PTPRD: variants seen among roughly 807,000 people sequenced by gnomAD.
PTPRD encodes receptor-type tyrosine-protein phosphatase delta.
In PTPRD, 34 loss-of-function variants were observed where a neutral mutation model predicts 214.5. The observed-to-expected ratio is 0.16, with a 90% CI of 0.12 to 0.21. The LOEUF (loss-of-function observed/expected upper bound fraction) is 0.21. PTPRD is among the 10% of genes least tolerant of loss of function. The probability of loss-of-function intolerance (pLI) is 1.00; values close to 1 mark genes in which losing one functional copy is unlikely to be tolerated. For missense variants in PTPRD, 2,545 were observed against 2,398.7 expected (o/e 1.06, Z -1.27); for synonymous variants, 1,128 against 845.7 (o/e 1.33, Z -5.79).
At chr9:9,909,543 T>A (rs551897387) in intron 5 of PTPRD, among the ~76,000 whole-genome samples, 1 of 151,982 alleles carries the variant, frequency 6.6e-6, no homozygotes, top group Non-Finnish European at 1.5e-5. Flanking sequence ...TATATTTATA[T>A]GAATTTATTA....
chr9:8,577,342 G>A (rs1264431101), intron 14 of PTPRD, among the ~76,000 whole-genome samples: 7 of 152,172 alleles, frequency 4.6e-5, no homozygotes, highest in South Asian at 2.1e-4. Flanking sequence ...TGCAACCTCC[G>A]CCTCCTGGGT....
At chr9:10,611,637 A>T (rs1249831358) in intron 2 of PTPRD, among the ~76,000 whole-genome samples, 1 of 152,134 alleles carries the variant, frequency 6.6e-6, no homozygotes, top group African/African-American at 2.4e-5. Flanking sequence ...TGATGCAGAG[A>T]TATTCAGCCT....
intron 30 of PTPRD, among the ~76,000 whole-genome samples, chr9:8,477,598 T>C (rs547001990): frequency 1.1e-3 from 160 of 152,314 alleles, no homozygotes; most frequent in South Asian, 6.2e-3. Context: ...TAATGATGAA[T>C]GTCATTCCTT....
chr9:9,613,131 C>CATATATATATATATAT lies in PTPRD; in HGVS notation c.-286-38351_-286-38350insATATATATATATATAT, dbSNP rs1383091159. Among the ~76,000 whole-genome samples, 50 of 40,844 alleles carry CATATATATATATATAT rather than the reference C, an allele frequency of 1.2e-3. 3 individuals carry two copies. The highest frequency in any genetic ancestry group is 1.7e-3 in the Non-Finnish European group (37 of 21,292). The allele number at this position is 40,844 out of a possible 152,430, so 26.8% of individuals were successfully genotyped here. Reference sequence around the variant, plus strand: ...TAATAGCTAGGCTGCAGTATACATACATACATATATATATATATATATATA... The same window carrying CATATATATATATATAT: ...TAATAGCTAGGCTGCAGTATACATACATATATATATATATATATACATATATATATATATATATATA... On this transcript the variant is annotated intron_variant, in intron 7 of 45. Transcript: ENST00000381196.
chr9:8,822,767 A>T lies in PTPRD; in HGVS notation c.-103-88821T>A, dbSNP rs148210279. On this transcript the variant is annotated intron_variant, in intron 11 of 45. Coordinates refer to ENST00000381196, the MANE Select transcript of PTPRD (RefSeq NM_002839.4). The stretch of plus-strand genomic sequence containing the variant: ...CAATTTGCCCAAGGTCCCGCAGCTG[A>T]CAATGGAACAGAACTGGAATCCAAT... Among the ~76,000 whole-genome samples, 832 of 152,268 alleles carry T rather than the reference A, an allele frequency of 5.5e-3. 8 individuals carry two copies. Among genetic ancestry groups the T allele is most frequent in the African/African-American group, 0.019 (796 of 41,552 alleles).
chr9:10,511,976 G>GTGTA (rs1555454354), intron 2 of PTPRD, among the ~76,000 whole-genome samples: 5 of 52,174 alleles, frequency 9.6e-5, no homozygotes, highest in Non-Finnish European at 1.6e-4. Context: ...ACGTGTGTGT[G>GTGTA]TATATATATA....
intron 9 of PTPRD, among the ~76,000 whole-genome samples, chr9:9,265,444 G>C (rs557325383): frequency 6.6e-6 from 1 of 151,312 alleles, no homozygotes; most frequent in South Asian, 2.1e-4. Context: ...TTTTTTTGTA[G>C]ATATGGGTCT....
chr9:9,632,781 T>C (rs767629072), intron 7 of PTPRD, among the ~76,000 whole-genome samples: 8 of 152,002 alleles, frequency 5.3e-5, no homozygotes, highest in African/African-American at 1.2e-4. Context: ...GGTATAAATA[T>C]AGATAAAGAT....
At chr9:8,362,530 C>G (rs2133950475) in intron 39 of PTPRD, among the ~76,000 whole-genome samples, 1 of 152,286 alleles carries the variant, frequency 6.6e-6, no homozygotes, top group South Asian at 2.1e-4. Flanking sequence ...GAGAAAGCCT[C>G]TGCCCAATTG....
chr9:10,459,357 A>G (rs1282234137), intron 2 of PTPRD, among the ~76,000 whole-genome samples: 1 of 152,146 alleles, frequency 6.6e-6, no homozygotes, highest in Non-Finnish European at 1.5e-5. Context: ...GCCGCAATAG[A>G]CATATATGTG....
At chr9:8,458,347 T>C (rs1369056267) in intron 33 of PTPRD, among the ~76,000 whole-genome samples, 1 of 152,154 alleles carries the variant, frequency 6.6e-6, no homozygotes, top group Non-Finnish European at 1.5e-5. Flanking sequence ...GATTCACAAA[T>C]ACCATATACA....
intron 7 of PTPRD, among the ~76,000 whole-genome samples, chr9:9,658,775 T>C (rs140106269): frequency 0.01 from 1,576 of 152,270 alleles, 28 homozygotes; most frequent in African/African-American, 0.036. Flanking sequence ...ATTGAGATCT[T>C]ATTCCGTGTT....
chr9:10,009,890 C>T (rs2096561589), intron 4 of PTPRD, among the ~76,000 whole-genome samples: 1 of 151,786 alleles, frequency 6.6e-6, no homozygotes, highest in South Asian at 2.1e-4. Context: ...GTCTTAAGAC[C>T]TCTGTTTTAA....
At chr9:8,746,351 A>G (rs988267838) in intron 11 of PTPRD, among the ~76,000 whole-genome samples, 2 of 152,234 alleles carry the variant, frequency 1.3e-5, no homozygotes, top group African/African-American at 2.4e-5. Flanking sequence ...ATAATAAAGT[A>G]CGAAAATTTC....
In PTPRD at chr9:9,784,645, T is replaced by G. The variant is rs2098902992; in HGVS notation, c.-367-17794A>C. Among the ~76,000 whole-genome samples the G allele has an allele frequency of 2.0e-5, 3 of 152,086 alleles. No individual in the cohort carries two copies. The South Asian group carries it at 6.2e-4, about 32-fold the overall frequency. On this transcript the variant is annotated intron_variant, in intron 5 of 45. Transcript: ENST00000381196. Reference sequence around the variant, plus strand: ...CAATAACCTAGCAGACCATACTGACTCACTCAAAGCAATTACAAAGTATTT... The same window carrying G: ...CAATAACCTAGCAGACCATACTGACGCACTCAAAGCAATTACAAAGTATTT...
At chr9:9,072,509 G>A (rs1254129279) in intron 10 of PTPRD, among the ~76,000 whole-genome samples, 1 of 152,128 alleles carries the variant, frequency 6.6e-6, no homozygotes, top group African/African-American at 2.4e-5. Context: ...AGATTAAGAT[G>A]CTTTTATGAA....
At position 8,783,149 on chromosome 9, in the gene PTPRD, TAACG is replaced by T. The variant is rs1201920920; in HGVS notation, c.-103-49207_-103-49204del. Among the ~76,000 whole-genome samples the T allele has an allele frequency of 9.9e-5, 15 of 152,214 alleles. No individual in the cohort carries two copies. In the South Asian group the frequency reaches 3.1e-3, roughly 32 times the overall value. On this transcript the variant is annotated intron_variant, in intron 11 of 45. Transcript: ENST00000381196. Reference sequence around the variant, plus strand: ...ACTTGAAAATATCATATATGAATCATAACGAAGAACGGAAATTTTCATAAAGAAA... The same window carrying T: ...ACTTGAAAATATCATATATGAATCATAAGAACGGAAATTTTCATAAAGAAA...
At chr9:9,723,594 G>A (rs943586824) in intron 7 of PTPRD, among the ~76,000 whole-genome samples, 1 of 151,996 alleles carries the variant, frequency 6.6e-6, no homozygotes, top group Non-Finnish European at 1.5e-5. Flanking sequence ...AGATTACATT[G>A]AGGTTGCAGA....
intron 27 of PTPRD, among the ~76,000 whole-genome samples, chr9:8,489,081 T>C (rs1337899927): frequency 6.6e-6 from 1 of 152,218 alleles, no homozygotes; most frequent in African/African-American, 2.4e-5. Context: ...ATTCTAATAT[T>C]TGTCATTTAT....
Sources: gnomAD v4.1 joint callset for allele counts (sites outside exome capture counted in the v4.1 genomes callset) on GRCh38, gnomAD v4.1.1 for gene constraint, MANE v1.5 for transcripts, NCBI Gene and HGNC (gene_info 2026-07-23, HGNC 2026-07-21) for gene names.